RBMS3: variants seen among roughly 807,000 people sequenced by gnomAD.
RBMS3 encodes RNA binding motif single stranded interacting protein 3, also known as RNA-binding motif, single-stranded-interacting protein 3.
Under a neutral mutation model 66.8 loss-of-function variants are expected in RBMS3, and 27 were observed. That is an observed-to-expected ratio of 0.40 (90% CI 0.30 to 0.56). The LOEUF is 0.56. Ranked by LOEUF, RBMS3 falls within the 20% of genes least tolerant of loss-of-function variation. RBMS3 has a pLI of 0.40. For synonymous variants in RBMS3, 188 were observed against 183.0 expected (o/e 1.03, Z -0.22); for missense variants, 513 against 549.5 (o/e 0.93, Z 0.66).
At chr3:29,406,301 G>A (rs2040014135) in intron 1 of RBMS3, among the ~76,000 whole-genome samples, 1 of 152,200 alleles carries the variant, frequency 6.6e-6, no homozygotes, top group Admixed American at 6.5e-5. Flanking sequence ...TGCCAACAGT[G>A]TGAAAGAAAC....
intron 3 of RBMS3, among the ~76,000 whole-genome samples, chr3:29,556,124 G>A (rs1337158498): frequency 4.8e-5 from 5 of 104,102 alleles, no homozygotes; most frequent in African/African-American, 2.2e-4. Flanking sequence ...CCACAATAAA[G>A]TTTAAAAAAA....
intron 3 of RBMS3, among the ~76,000 whole-genome samples, chr3:29,544,870 C>A (rs1477325660): frequency 6.6e-6 from 1 of 152,080 alleles, no homozygotes; most frequent in Non-Finnish European, 1.5e-5. Flanking sequence ...CTATATTTTG[C>A]CAACTCCTAA....
At chr3:29,752,593 G>A (rs1268616432) in intron 5 of RBMS3, among the ~76,000 whole-genome samples, 1 of 152,138 alleles carries the variant, frequency 6.6e-6, no homozygotes, top group African/African-American at 2.4e-5. Context: ...TATGTTGCTA[G>A]TAAAATGTCA....
At chr3:29,808,645 G>A (rs1473480569) in intron 6 of RBMS3, among the ~76,000 whole-genome samples, 1 of 151,886 alleles carries the variant, frequency 6.6e-6, no homozygotes, top group Non-Finnish European at 1.5e-5. Context: ...CTAAGAATGG[G>A]CTAAATAATT....
At chr3:29,599,079 T>G (rs923321773) in intron 4 of RBMS3, among the ~76,000 whole-genome samples, 7 of 151,020 alleles carry the variant, frequency 4.6e-5, no homozygotes, top group Non-Finnish European at 1.0e-4. Context: ...GCTTTCCCAG[T>G]ATGCAGGAAA....
In RBMS3 at chr3:29,384,185, A is replaced by T. The variant is rs554067937; in HGVS notation, c.76-50558A>T. ...ACAAAAATTAGCCAGGCATGGTGAG[A>T]TGTGCCCATAGTCTCAACTAATAGG... On this transcript the variant is annotated intron_variant, in intron 1 of 14. Transcript: ENST00000383767. 4.5e-4 allele frequency among the ~76,000 whole-genome samples: 68 copies of T among 152,022 alleles called. No homozygotes were observed. The Middle Eastern group carries it at 0.014, about 30-fold the overall frequency.
intron 1 of RBMS3, among the ~76,000 whole-genome samples, chr3:29,345,687 C>A (rs1303510218): frequency 6.6e-6 from 1 of 152,154 alleles, no homozygotes; most frequent in Non-Finnish European, 1.5e-5. Flanking sequence ...CCAGAAAATT[C>A]ATGTAACCAG....
chr3:29,704,329 C>T (rs12493982), intron 4 of RBMS3, among the ~76,000 whole-genome samples: 13,179 of 151,668 alleles, frequency 0.087, 1,907 homozygotes, highest in African/African-American at 0.3. Context: ...GAATCAAACA[C>T]ATGTGTGTAT....
intron 4 of RBMS3, among the ~76,000 whole-genome samples, chr3:29,676,773 T>G (rs1033202203): frequency 6.6e-6 from 1 of 152,326 alleles, no homozygotes; most frequent in African/African-American, 2.4e-5. Flanking sequence ...AAAATATACA[T>G]GATGATAACT....
chr3:29,756,585 G>C (rs760402726), intron 5 of RBMS3, among the ~76,000 whole-genome samples: 1 of 151,990 alleles, frequency 6.6e-6, no homozygotes, highest in Non-Finnish European at 1.5e-5. Flanking sequence ...CCACCCCCAT[G>C]ATTCGATTAC....
In RBMS3 at chr3:29,496,749, A is replaced by T. The variant is rs139838720; in HGVS notation, c.307+8250A>T. On this transcript the variant is annotated intron_variant, in intron 3 of 14. Transcript: ENST00000383767. ...TTAACTTTGAGAAGTCCTTGATATA[A>T]ATGTAAAACAAAATAGGTATTTATG... Among the ~76,000 whole-genome samples the T allele has an allele frequency of 6.3e-3, 961 of 152,304 alleles. 15 individuals are homozygous for T. The highest frequency in any genetic ancestry group is 0.022 in the African/African-American group (924 of 41,554).
intron 7 of RBMS3, among the ~76,000 whole-genome samples, chr3:29,870,521 C>T (rs763201575): frequency 2.6e-5 from 4 of 152,106 alleles, no homozygotes; most frequent in Non-Finnish European, 5.9e-5. Context: ...CAGCAAGACA[C>T]TTCCTCTCAC....
At chr3:29,758,116 T>C (rs2055505648) in intron 5 of RBMS3, among the ~76,000 whole-genome samples, 1 of 152,176 alleles carries the variant, frequency 6.6e-6, no homozygotes, top group Admixed American at 6.5e-5. Flanking sequence ...CCTTGACATC[T>C]CATATCAGGT....
intron 5 of RBMS3, among the ~76,000 whole-genome samples, chr3:29,755,670 G>T (rs11707597): frequency 0.091 from 13,880 of 152,240 alleles, 1,254 homozygotes; most frequent in African/African-American, 0.24. Flanking sequence ...TGCTTGGAAG[G>T]ACTGTAGACA....
intron 4 of RBMS3, among the ~76,000 whole-genome samples, chr3:29,683,985 T>G (rs974324239): frequency 3.9e-5 from 6 of 152,154 alleles, no homozygotes. Flanking sequence ...AGAATAGAAT[T>G]GCTTGGTCCA....
At chr3:29,637,949 A>G (rs2049535028) in intron 4 of RBMS3, among the ~76,000 whole-genome samples, 1 of 151,954 alleles carries the variant, frequency 6.6e-6, no homozygotes, top group Non-Finnish European at 1.5e-5. Flanking sequence ...CCAATGCAAA[A>G]CAAAACCAAA....
intron 6 of RBMS3, among the ~76,000 whole-genome samples, chr3:29,858,143 T>C (rs991322102): frequency 5.3e-5 from 8 of 152,186 alleles, no homozygotes; most frequent in Non-Finnish European, 1.2e-4. Context: ...AAAAGAGGTA[T>C]TTTTATTTTT....
At chr3:29,334,780 A>C (rs9882071) in intron 1 of RBMS3, among the ~76,000 whole-genome samples, 31,783 of 152,136 alleles carry the variant, frequency 0.21, 4,538 homozygotes, top group African/African-American at 0.36. Context: ...ATGGCTTGGC[A>C]GTGTATTGGT....
chr3:29,589,676 C>T (rs1422662491), intron 4 of RBMS3, among the ~76,000 whole-genome samples: 1 of 152,004 alleles, frequency 6.6e-6, no homozygotes, highest in African/African-American at 2.4e-5. Flanking sequence ...CCTCCTTTGT[C>T]CTGGTGATAA....
Sources: allele counts gnomAD v4.1 joint callset (sites outside exome capture counted in the v4.1 genomes callset), GRCh38; gene constraint gnomAD v4.1.1; transcripts MANE v1.5; gene names NCBI Gene and HGNC (gene_info 2026-07-23, HGNC 2026-07-21).